The following TCERG1L variants were observed in gnomAD, a reference collection of about 807,000 sequenced individuals.
The protein encoded by TCERG1L is transcription elongation regulator 1 like, also known as transcription elongation regulator 1-like protein.
A neutral mutation model predicts 56.3 loss-of-function variants in TCERG1L; 37 were observed. The observed-to-expected ratio is 0.66, with a 90% CI of 0.51 to 0.87. TCERG1L has a LOEUF of 0.87. Among genes scored for constraint, TCERG1L ranks in the 40% least tolerant of loss-of-function variants. The pLI is 0.00. For missense variants in TCERG1L, 799 were observed against 774.2 expected, an observed-to-expected ratio of 1.03 and a Z score of -0.38; for synonymous variants, 324 against 326.3, an observed-to-expected ratio of 0.99 and a Z score of 0.08.
chr10:131,107,543 T>A (rs527915804), intron 9 of TCERG1L, among the ~76,000 whole-genome samples: 14 of 151,998 alleles, frequency 9.2e-5, no homozygotes, highest in African/African-American at 3.4e-4. Context: ...CGCACAGCCA[T>A]GTGTGAAACA....
chr10:131,292,988 T>G (rs192653924), intron 3 of TCERG1L, among the ~76,000 whole-genome samples: 4 of 152,040 alleles, frequency 2.6e-5, no homozygotes, highest in Admixed American at 2.6e-4. Context: ...GTAGCTGGGA[T>G]TACAGGTACA....
chr10:131,175,898 T>C (rs11592243), intron 4 of TCERG1L, among the ~76,000 whole-genome samples: 27,244 of 152,096 alleles, frequency 0.18, 3,090 homozygotes, highest in Middle Eastern at 0.27. Context: ...AGGAAGGCAG[T>C]AGAGATTCAT....
chr10:131,168,559 C>T (rs530584434), intron 4 of TCERG1L, among the ~76,000 whole-genome samples: 1 of 152,226 alleles, frequency 6.6e-6, no homozygotes, highest in Non-Finnish European at 1.5e-5. Flanking sequence ...GAGGCCCCAT[C>T]CCCGGAGGTG....
chr10:131,225,632 T>C (rs1439896489), intron 4 of TCERG1L, among the ~76,000 whole-genome samples: 1 of 152,026 alleles, frequency 6.6e-6, no homozygotes, highest in Non-Finnish European at 1.5e-5. Context: ...TCACAACGGC[T>C]CCAGAATCAT....
At chr10:131,213,732 T>G (rs1314574063) in intron 4 of TCERG1L, among the ~76,000 whole-genome samples, 1 of 152,214 alleles carries the variant, frequency 6.6e-6, no homozygotes, top group African/African-American at 2.4e-5. Context: ...CTCCTGTGTT[T>G]GCTGAAGGGA....
intron 4 of TCERG1L, among the ~76,000 whole-genome samples, chr10:131,221,106 C>T (rs148149878): frequency 5.6e-4 from 86 of 152,298 alleles, no homozygotes; most frequent in African/African-American, 2.0e-3. Context: ...ACTGAGGTGG[C>T]CCCCACGCCT....
chr10:131,259,236 G>C (rs1846207869), intron 4 of TCERG1L, among the ~76,000 whole-genome samples: 2 of 152,172 alleles, frequency 1.3e-5, no homozygotes, highest in Admixed American at 6.5e-5. Flanking sequence ...TAGGCTGTTT[G>C]TCTTTCTACC....
intron 4 of TCERG1L, among the ~76,000 whole-genome samples, chr10:131,197,634 C>G (rs1253213658): frequency 1.3e-5 from 2 of 152,200 alleles, no homozygotes; most frequent in Non-Finnish European, 2.9e-5. Context: ...TCTTCACCAA[C>G]AAGCAGGTCT....
chr10:131,158,578 T>G (rs1194080619), intron 6 of TCERG1L, among the ~76,000 whole-genome samples: 1 of 152,230 alleles, frequency 6.6e-6, no homozygotes, highest in East Asian at 1.9e-4. Context: ...GCAAGAGGAA[T>G]TCTTTCTGAG....
chr10:131,168,934 A>G (rs1846061817), intron 4 of TCERG1L, among the ~76,000 whole-genome samples: 1 of 152,192 alleles, frequency 6.6e-6, no homozygotes, highest in Admixed American at 6.5e-5. Context: ...GCACAGGTCT[A>G]TTTCAAGGTT....
At chr10:131,230,512 C>T (rs1391452199) in intron 4 of TCERG1L, among the ~76,000 whole-genome samples, 1 of 152,232 alleles carries the variant, frequency 6.6e-6, no homozygotes, top group African/African-American at 2.4e-5. Context: ...GGAAAAGAAC[C>T]ATTGTGCCAA....
At chr10:131,156,913 T>C (rs1278074184) in intron 6 of TCERG1L, among the ~76,000 whole-genome samples, 15 of 152,132 alleles carry the variant, frequency 9.9e-5, no homozygotes, top group Non-Finnish European at 2.2e-4. Flanking sequence ...CCCTTCCTTT[T>C]TTAACTCGGT....
At chr10:131,207,303 C>T (rs1004182905) in intron 4 of TCERG1L, among the ~76,000 whole-genome samples, 1 of 152,178 alleles carries the variant, frequency 6.6e-6, no homozygotes, top group African/African-American at 2.4e-5. Context: ...GGCTGAAAGC[C>T]AGCATGAGTG....
At chr10:131,221,428 C>G (rs184320610) in intron 4 of TCERG1L, among the ~76,000 whole-genome samples, 1 of 152,312 alleles carries the variant, frequency 6.6e-6, no homozygotes, top group African/African-American at 2.4e-5. Context: ...AAGACCCCAC[C>G]TAGGGTGACA....
chr10:131,159,937 T>C (rs1845959615), intron 6 of TCERG1L, among the ~76,000 whole-genome samples: 1 of 152,142 alleles, frequency 6.6e-6, no homozygotes, highest in Non-Finnish European at 1.5e-5. Context: ...TGAGGTCTGG[T>C]GGCGGTCTGC....
intron 4 of TCERG1L, among the ~76,000 whole-genome samples, chr10:131,208,636 T>C (rs147578940): frequency 1.3e-5 from 2 of 152,358 alleles, no homozygotes; most frequent in East Asian, 3.9e-4. Context: ...TCTTAGGATG[T>C]AGGTTGAGCG....
At chr10:131,121,003 G>C (rs1263175802) in intron 8 of TCERG1L, among the ~76,000 whole-genome samples, 1 of 152,234 alleles carries the variant, frequency 6.6e-6, no homozygotes, top group Non-Finnish European at 1.5e-5. Flanking sequence ...GCTGCCACAG[G>C]TGTGTCAGGG....
At chr10:131,148,860 G>T (rs1276583588) in intron 6 of TCERG1L, among the ~76,000 whole-genome samples, 1 of 152,216 alleles carries the variant, frequency 6.6e-6, no homozygotes, top group East Asian at 1.9e-4. Flanking sequence ...TGTCGCTGGA[G>T]CCCTGAGTCT....
intron 11 of TCERG1L, chr10:131,095,600 T>C (rs1321299976): frequency 3.9e-5 from 6 of 152,234 alleles, no homozygotes; most frequent in Admixed American, 3.9e-4. Flanking sequence ...TTTTGAAATG[T>C]TGAAAACTTA....
Sources: allele counts gnomAD v4.1 joint callset (sites outside exome capture counted in the v4.1 genomes callset), GRCh38; gene constraint gnomAD v4.1.1; transcripts MANE v1.5; gene names NCBI Gene and HGNC (gene_info 2026-07-23, HGNC 2026-07-21).